CNTNAP2: variants seen among roughly 807,000 people sequenced by gnomAD.
CNTNAP2 encodes contactin-associated protein-like 2.
CNTNAP2 carries 98 observed loss-of-function variants against 155.2 expected under a neutral mutation model. The ratio of observed to expected loss-of-function variants is 0.63; its 90% CI spans 0.54 to 0.75. The LOEUF is 0.75. CNTNAP2 is among the 30% of genes least tolerant of loss of function. CNTNAP2 has a pLI of 0.00. For missense variants in CNTNAP2, 1,727 were observed against 1,688.1 expected (o/e 1.02, Z -0.40); for synonymous variants, 651 against 631.2 (o/e 1.03, Z -0.47).
At chr7:147,043,676 C>G (rs1799301829) in intron 3 of CNTNAP2, among the ~76,000 whole-genome samples, 1 of 152,204 alleles carries the variant, frequency 6.6e-6, no homozygotes. Context: ...ATTCTTTTAA[C>G]GTATGTTTAC....
chr7:146,760,813 GT>G (rs1161809504), intron 1 of CNTNAP2, among the ~76,000 whole-genome samples: 2 of 151,880 alleles, frequency 1.3e-5, no homozygotes, highest in African/African-American at 4.8e-5. Context: ...TCAATGTTTT[GT>G]TTCTTCTAAA....
At chr7:147,025,716 C>A (rs1157224443) in intron 3 of CNTNAP2, among the ~76,000 whole-genome samples, 1 of 151,822 alleles carries the variant, frequency 6.6e-6, no homozygotes, top group Non-Finnish European at 1.5e-5. Context: ...AAGGCAAAAC[C>A]CATCAAACTT....
At chr7:146,124,916 C>T (rs73736875) in intron 1 of CNTNAP2, among the ~76,000 whole-genome samples, 2,876 of 152,236 alleles carry the variant, frequency 0.019, 76 homozygotes, top group African/African-American at 0.06. Context: ...CAGACAGCCA[C>T]GTATAATCCC....
At chr7:148,400,050 G>T (rs1262287611) in intron 22 of CNTNAP2, among the ~76,000 whole-genome samples, 1 of 152,066 alleles carries the variant, frequency 6.6e-6, no homozygotes, top group Non-Finnish European at 1.5e-5. Context: ...CAAAGCTCAG[G>T]GCATCCGTAT....
At chr7:148,002,515 G>A (rs1054310692) in intron 15 of CNTNAP2, among the ~76,000 whole-genome samples, 2 of 151,964 alleles carry the variant, frequency 1.3e-5, no homozygotes, top group Non-Finnish European at 2.9e-5. Context: ...TGCCAGATTT[G>A]GGAACCAACA....
chr7:146,262,073 C>A (rs1481743508), intron 1 of CNTNAP2, among the ~76,000 whole-genome samples: 2 of 152,094 alleles, frequency 1.3e-5, no homozygotes, highest in Admixed American at 6.5e-5. Context: ...TGATAATTTT[C>A]CACACTGGTC....
chr7:147,083,250 C>T (rs1454793114), intron 4 of CNTNAP2: 1 of 151,958 alleles, frequency 6.6e-6, no homozygotes, highest in Non-Finnish European at 1.5e-5. Context: ...CCACCAAAAG[C>T]AACAAAGAGG....
chr7:148,393,894 C>A (rs1255284764), intron 22 of CNTNAP2, among the ~76,000 whole-genome samples: 2 of 151,600 alleles, frequency 1.3e-5, no homozygotes, highest in Non-Finnish European at 2.9e-5. Flanking sequence ...ATATTCTTTG[C>A]TCCAATAATT....
intron 13 of CNTNAP2, among the ~76,000 whole-genome samples, chr7:147,863,642 T>G (rs1271488415): frequency 6.6e-6 from 1 of 152,212 alleles, no homozygotes; most frequent in Non-Finnish European, 1.5e-5. Context: ...TGAGATGGTA[T>G]CTCATTGTAG....
intron 2 of CNTNAP2, among the ~76,000 whole-genome samples, chr7:146,834,091 C>T (rs1349050560): frequency 2.0e-5 from 3 of 151,242 alleles, no homozygotes; most frequent in Non-Finnish European, 2.9e-5. Flanking sequence ...ATTTTTTTTT[C>T]ACCTTGTATT....
intron 9 of CNTNAP2, among the ~76,000 whole-genome samples, chr7:147,379,986 A>G (rs997223): frequency 0.17 from 26,039 of 152,030 alleles, 2,822 homozygotes; most frequent in Non-Finnish European, 0.24. Context: ...TAAAAGATGT[A>G]TGTTACATTT....
chr7:146,416,087 G>A (rs1308491659), intron 1 of CNTNAP2, among the ~76,000 whole-genome samples: 2 of 151,614 alleles, frequency 1.3e-5, no homozygotes, highest in Non-Finnish European at 2.9e-5. Context: ...ATTTATTATT[G>A]CATGAAAATG....
chr7:147,736,639 C>T (rs2116477156), intron 13 of CNTNAP2, among the ~76,000 whole-genome samples: 1 of 152,216 alleles, frequency 6.6e-6, no homozygotes, highest in Non-Finnish European at 1.5e-5. Flanking sequence ...TTCCATTCTT[C>T]CCGTCACTTT....
intron 1 of CNTNAP2, among the ~76,000 whole-genome samples, chr7:146,456,241 G>GTATGTATGTATA (rs1443562072): frequency 8.5e-5 from 13 of 152,196 alleles, no homozygotes; most frequent in African/African-American, 2.9e-4. Flanking sequence ...GATACTTTAG[G>GTATGTATGTATA]TATGTATGTA....
intron 1 of CNTNAP2, among the ~76,000 whole-genome samples, chr7:146,450,678 G>C (rs1171264579): frequency 6.6e-6 from 1 of 152,132 alleles, no homozygotes; most frequent in African/African-American, 2.4e-5. Flanking sequence ...AAAAGGGATA[G>C]ACTCCACCTC....
At chr7:147,388,061 G>A (rs968080629) in intron 9 of CNTNAP2, among the ~76,000 whole-genome samples, 7 of 152,114 alleles carry the variant, frequency 4.6e-5, no homozygotes, top group African/African-American at 1.7e-4. Context: ...CAGACTCTTG[G>A]ATTCCTACTT....
intron 1 of CNTNAP2, among the ~76,000 whole-genome samples, chr7:146,479,578 A>C (rs1251600471): frequency 6.6e-6 from 1 of 152,146 alleles, no homozygotes; most frequent in Non-Finnish European, 1.5e-5. Context: ...CTCTATTCTC[A>C]GTGTCTAAAC....
intron 14 of CNTNAP2, among the ~76,000 whole-genome samples, chr7:147,921,951 T>A (rs1290658907): frequency 2.0e-5 from 3 of 152,148 alleles, no homozygotes; most frequent in African/African-American, 7.2e-5. Flanking sequence ...AGAGCACACA[T>A]TTTGCAAATC....
Position 146,411,986 on chromosome 7 carries a change from A to G in CNTNAP2, c.97+295013A>G, listed in dbSNP as rs543183464. ...CGAGTAGCTGGGATTAGAGGCATGC[A>G]TTACCACACCCTGCTACTCTATTTT... On this transcript the variant is annotated intron_variant, in intron 1 of 23. Coordinates refer to ENST00000361727, the MANE Select transcript of CNTNAP2 (RefSeq NM_014141.6). Among the ~76,000 whole-genome samples the G allele has an allele frequency of 2.1e-4, 32 of 151,928 alleles. 1 individual carries two copies. Among genetic ancestry groups the G allele is most frequent in the South Asian group, 8.3e-4 (4 of 4,824 alleles).
Sources: gnomAD v4.1 joint callset for allele counts (sites outside exome capture counted in the v4.1 genomes callset) on GRCh38, gnomAD v4.1.1 for gene constraint, MANE v1.5 for transcripts, NCBI Gene and HGNC (gene_info 2026-07-23, HGNC 2026-07-21) for gene names.